The following ATPAF1 variants were observed in gnomAD, a reference collection of about 807,000 sequenced individuals.
The protein encoded by ATPAF1 is ATP synthase mitochondrial F1 complex assembly factor 1.
In ATPAF1, 26 loss-of-function variants were observed where a neutral mutation model predicts 43.9. That is an observed-to-expected ratio of 0.59 (90% CI 0.43 to 0.82). The LOEUF is 0.82. Ranked by LOEUF, ATPAF1 falls within the 40% of genes least tolerant of loss-of-function variation. ATPAF1 has a pLI of 0.00. For synonymous variants in ATPAF1, 157 were observed against 168.0 expected, an observed-to-expected ratio of 0.93 and a Z score of 0.50; for missense variants, 366 against 435.0, an observed-to-expected ratio of 0.84 and a Z score of 1.41.
chr1:46,652,900 A>G lies in ATPAF1; in HGVS notation c.541-272T>C, dbSNP rs571179275. On this transcript the variant is annotated intron_variant, in intron 5 of 8. Coordinates refer to ENST00000574428, the Ensembl canonical transcript of ATPAF1. The stretch of plus-strand genomic sequence containing the variant: ...GTCAGAGACATCAAGTCACCAAGTC[A>G]GTTTGAGGGAGAGGTAAGAAGGCCT... Among the ~76,000 whole-genome samples the G allele has an allele frequency of 7.2e-4, 109 of 152,292 alleles. 1 individual carries two copies. The South Asian group carries it at 0.022, about 30-fold the overall frequency.
chr1:46,668,367 C>T, upstream of ATPAF1: 2 of 1,271,146 alleles, frequency 1.6e-6, no homozygotes, highest in Non-Finnish European at 2.0e-6. This position sits in a 1 kb window ranked among gnomAD's most constrained non-coding sequence, Gnocchi z 4.4. Context: ...TCGGCCTCGG[C>T]CCGCGGCCCG....
At chr1:46,635,844 T>C (rs1675827597) in exon 9 of ATPAF1, 1 of 1,614,250 alleles carries the variant, frequency 6.2e-7, no homozygotes, top group East Asian at 2.2e-5. Context: ...AATTCAGCGA[T>C]GACAGACATA....
At chr1:46,658,896 T>A (rs536794800) in intron 2 of ATPAF1, among the ~76,000 whole-genome samples, 159 bp from the exon 3 acceptor site, 72 of 152,268 alleles carry the variant, frequency 4.7e-4, no homozygotes, top group African/African-American at 1.7e-3. Flanking sequence ...AACACTATTT[T>A]AAAAATTATT....
intron 7 of ATPAF1, among the ~76,000 whole-genome samples, chr1:46,644,713 GAAAT>G (rs1391332409): frequency 7.9e-6 from 1 of 126,468 alleles, no homozygotes; most frequent in African/African-American, 3.0e-5. Context: ...TGGAAATAAA[GAAAT>G]AAAGGAAGAA....
chr1:46,637,965 A>T lies in ATPAF1; in HGVS notation c.793-1995T>A, dbSNP rs554539251. On this transcript the variant is annotated intron_variant, in intron 8 of 8. Coordinates refer to ENST00000574428, the Ensembl canonical transcript of ATPAF1. ...ATCCTTCTGTTTCTGGTAGGGCAAG[A>T]TAATTAAGATTGATGAAGGCCAATA... is the stretch of plus-strand genomic sequence containing the variant. 5.9e-5 allele frequency among the ~76,000 whole-genome samples: 9 copies of T among 152,310 alleles called. 1 individual carries two copies. In the South Asian group the frequency reaches 1.5e-3, roughly 25 times the overall value.
intron 8 of ATPAF1, among the ~76,000 whole-genome samples, chr1:46,639,551 T>G (rs1373445499): frequency 1.3e-5 from 2 of 152,240 alleles, no homozygotes; most frequent in African/African-American, 4.8e-5. Flanking sequence ...AATATTCCAT[T>G]AGTTTTTAGC....
chr1:46,665,144 G>T, intron 2 of ATPAF1, 112 bp downstream of exon 2: 1 of 940,384 alleles, frequency 1.1e-6, no homozygotes, highest in Non-Finnish European at 1.7e-6. Flanking sequence ...GAGAGACTAT[G>T]TTCAGTTCAC....
chr1:46,665,653 G>C, intron 1 of ATPAF1: 1 of 1,534,640 alleles, frequency 6.5e-7, no homozygotes, highest in East Asian at 2.4e-5. Context: ...TTACATTCAG[G>C]GTACTTAGAA....
At chr1:46,643,684 T>A (rs528575768) in intron 7 of ATPAF1, among the ~76,000 whole-genome samples, 5 of 152,366 alleles carry the variant, frequency 3.3e-5, no homozygotes, top group Admixed American at 6.5e-5. Flanking sequence ...ACAGTTGAAA[T>A]CTACTCCCCT....
At position 46,668,349 on chromosome 1, in the gene ATPAF1, C is replaced by A. The variant is rs1161410976; in HGVS notation, c.-27G>T. ...GCCGCCCCCGCCTCCTCCTCCTCCT[C>A]AGGCGCGTCGGCCTCGGCCCGCGGC... On this transcript the variant is annotated 5_prime_UTR_variant, in exon 1 of 9. Coordinates refer to ENST00000574428, the Ensembl canonical transcript of ATPAF1. This position sits in a 1 kb window ranked among gnomAD's most constrained non-coding sequence, Gnocchi z 4.4. The A allele has an allele frequency of 7.5e-7, 1 of 1,329,204 alleles. No individual in the cohort carries two copies. The highest frequency in any genetic ancestry group is 1.8e-5 in the South Asian group (1 of 54,438). 82.3% of individuals were successfully genotyped at this position (1,329,204 alleles called of 1,614,324 possible).
At chr1:46,636,137 C>T in intron 8 of ATPAF1, 167 bp from the exon 9 acceptor site, 1 of 732,106 alleles carries the variant, frequency 1.4e-6, no homozygotes, top group East Asian at 2.6e-5. Context: ...CTCTGTGTAC[C>T]AAATCATCCT....
chr1:46,665,388 T>C, intron 1 of ATPAF1, 24 bp from the exon 2 acceptor site: 1 of 1,606,918 alleles, frequency 6.2e-7, no homozygotes, highest in Non-Finnish European at 8.5e-7. Context: ...AACCAAAGGG[T>C]AAACCAACTG....
At position 46,655,869 on chromosome 1, in the gene ATPAF1, A is replaced by T. The variant is rs547385049; in HGVS notation, c.490-2002T>A. Among the ~76,000 whole-genome samples the T allele has an allele frequency of 4.2e-4, 64 of 152,214 alleles. 1 individual carries two copies. The highest frequency in any genetic ancestry group is 1.4e-3 in the African/African-American group (57 of 41,532). ...TATTTATTTCCTCCCCCTTGCTTTC[A>T]TATTTTATATCTCTCTTAAGATGCC... On this transcript the variant is annotated intron_variant, in intron 4 of 8. Transcript: ENST00000574428.
At chr1:46,657,072 T>C (rs1417776932) in intron 4 of ATPAF1, among the ~76,000 whole-genome samples, 2 of 152,220 alleles carry the variant, frequency 1.3e-5, no homozygotes, top group Non-Finnish European at 2.9e-5. Flanking sequence ...GTCCCAGCTC[T>C]ACCACTGACT....
At chr1:46,660,702 A>G (rs1244697489) in intron 2 of ATPAF1, among the ~76,000 whole-genome samples, 1 of 152,210 alleles carries the variant, frequency 6.6e-6, no homozygotes, top group African/African-American at 2.4e-5. Flanking sequence ...AGCATTTAAT[A>G]AGAACTTTAA....
chr1:46,667,424 C>CT (rs1676509879), intron 1 of ATPAF1, among the ~76,000 whole-genome samples: 1 of 152,216 alleles, frequency 6.6e-6, no homozygotes, highest in Non-Finnish European at 1.5e-5. Flanking sequence ...TTAAGCCCCT[C>CT]TAAGCTCCAG....
intron 8 of ATPAF1, among the ~76,000 whole-genome samples, chr1:46,640,016 A>G (rs989123869): frequency 1.3e-5 from 2 of 152,156 alleles, no homozygotes; most frequent in East Asian, 1.9e-4. Flanking sequence ...CAATCTCTAT[A>G]TTGTCACTCA....
intron 6 of ATPAF1, among the ~76,000 whole-genome samples, chr1:46,651,334 A>AT (rs57792482): frequency 0.063 from 9,520 of 151,696 alleles, 841 homozygotes; most frequent in East Asian, 0.39. Context: ...TGAACTCATC[A>AT]TTTTTTATGG....
At position 46,653,216 on chromosome 1, in the gene ATPAF1, A is replaced by C. The variant is rs1199499060; in HGVS notation, c.541-588T>G. 1.3e-5 allele frequency among the ~76,000 whole-genome samples: 2 copies of C among 152,124 alleles called. No homozygotes were observed. Among genetic ancestry groups the C allele is most frequent in the Non-Finnish European group, 2.9e-5 (2 of 68,024 alleles). On this transcript the variant is annotated intron_variant, in intron 5 of 8. Coordinates refer to ENST00000574428, the Ensembl canonical transcript of ATPAF1. This position sits in a 1 kb window ranked among gnomAD's most constrained non-coding sequence, Gnocchi z 4.8. ...GGGAAAAACAAAGAACTAGCTGATA[A>C]TCCAGTACTTCAGATGCTTTATTAT... is the stretch of plus-strand genomic sequence containing the variant.
Sources: gnomAD v4.1 joint callset for allele counts (sites outside exome capture counted in the v4.1 genomes callset) on GRCh38, gnomAD v4.1.1 for gene constraint, Gnocchi (gnomAD v3.1) non-coding constraint, MANE v1.5 for transcripts, NCBI Gene and HGNC (gene_info 2026-07-23, HGNC 2026-07-21) for gene names.